SUPT3H: variants seen among roughly 807,000 people sequenced by gnomAD.
SUPT3H encodes transcription initiation protein SPT3 homolog.
In SUPT3H, 44 loss-of-function variants were observed where a neutral mutation model predicts 44.3. The observed-to-expected ratio is 0.99, with a 90% CI of 0.78 to 1.28. The LOEUF is 1.28. Ranked by LOEUF, SUPT3H falls within the 50% of genes most tolerant of loss-of-function variation. The pLI, the probability that SUPT3H is intolerant of heterozygous loss-of-function variation, is 0.00. For synonymous variants in SUPT3H, 124 were observed against 125.6 expected, an observed-to-expected ratio of 0.99 and a Z score of 0.09; for missense variants, 380 against 387.1, an observed-to-expected ratio of 0.98 and a Z score of 0.15.
intron 2 of SUPT3H, among the ~76,000 whole-genome samples, chr6:45,255,397 C>A (rs1773182074): frequency 7.2e-6 from 1 of 139,252 alleles, no homozygotes; most frequent in African/African-American, 2.6e-5. Context: ...TTATTTCATT[C>A]TTAACAACAA....
rs551046360 is a variant in SUPT3H, at chr6:45,019,098, T to G, written c.273+1448A>C. ...TGGGAGAGTGTATCTGTCAAGGAATTTATCCATTTCTTCTAGATTTTCTAG... is the reference window on the plus strand; with the variant it reads ...TGGGAGAGTGTATCTGTCAAGGAATGTATCCATTTCTTCTAGATTTTCTAG... On this transcript the variant is annotated intron_variant, in intron 4 of 10. Transcript: ENST00000371459. Among the ~76,000 whole-genome samples, 6 of 152,294 alleles carry G rather than the reference T, an allele frequency of 3.9e-5. No homozygotes were observed. In the South Asian group the frequency reaches 6.2e-4, roughly 16 times the overall value.
At chr6:44,921,638 A>C (rs903187728) in intron 10 of SUPT3H, among the ~76,000 whole-genome samples, 2 of 152,188 alleles carry the variant, frequency 1.3e-5, no homozygotes, top group African/African-American at 4.8e-5. Flanking sequence ...TTTGTCAACT[A>C]TAACTCATTT....
intron 6 of SUPT3H, among the ~76,000 whole-genome samples, chr6:44,995,457 A>G (rs571776774): frequency 6.6e-6 from 1 of 152,236 alleles, no homozygotes; most frequent in East Asian, 1.9e-4. Flanking sequence ...CTGCTTACTT[A>G]GCAAATCACA....
chr6:44,976,768 A>T (rs544340228), intron 6 of SUPT3H, among the ~76,000 whole-genome samples: 185 of 152,342 alleles, frequency 1.2e-3, no homozygotes, highest in African/African-American at 4.2e-3. Flanking sequence ...TCTTTGAATT[A>T]TAAAGTCTTG....
In SUPT3H at chr6:45,067,416, T is replaced by G. The variant is rs1296161581; in HGVS notation, c.186+38506A>C. ...ACATAGGCATGGGCAAGGACTTCAT[T>G]TCCAAAACACCAAAAGCAAAGGCAA... On this transcript the variant is annotated intron_variant, in intron 3 of 10. Transcript: ENST00000371459. 3.1e-5 allele frequency among the ~76,000 whole-genome samples: 4 copies of G among 128,344 alleles called. 1 individual carries two copies. The highest frequency in any genetic ancestry group is 7.2e-5 in the Non-Finnish European group (4 of 55,924). The allele number at this position is 128,344 out of a possible 152,430, so 84.2% of individuals were successfully genotyped here.
intron 2 of SUPT3H, among the ~76,000 whole-genome samples, chr6:45,142,721 A>T (rs1031349705): frequency 1.5e-5 from 2 of 132,076 alleles, no homozygotes; most frequent in African/African-American, 2.8e-5. Flanking sequence ...GGGCAAGAAG[A>T]GCTAAACTCC....
At chr6:45,015,280 T>C (rs1784075367) in intron 4 of SUPT3H, among the ~76,000 whole-genome samples, 1 of 152,150 alleles carries the variant, frequency 6.6e-6, no homozygotes, top group African/African-American at 2.4e-5. Context: ...ATTCATGGGC[T>C]ACAAACTGGT....
intron 2 of SUPT3H, among the ~76,000 whole-genome samples, chr6:45,220,062 A>G (rs1211564599): frequency 1.5e-4 from 22 of 150,590 alleles, no homozygotes; most frequent in African/African-American, 4.9e-4. Context: ...AAAAAAAAAA[A>G]AAAAGAATTA....
intron 2 of SUPT3H, among the ~76,000 whole-genome samples, chr6:45,215,449 G>A (rs1194911108): frequency 6.6e-6 from 1 of 152,020 alleles, no homozygotes; most frequent in African/African-American, 2.4e-5. Flanking sequence ...ACCCAATCAA[G>A]AAAACAGTAT....
At chr6:45,227,345 A>T (rs1039076371) in intron 2 of SUPT3H, among the ~76,000 whole-genome samples, 1 of 152,150 alleles carries the variant, frequency 6.6e-6, no homozygotes, top group African/African-American at 2.4e-5. Context: ...TAATATGTTA[A>T]TTAGTTTGAT....
At chr6:45,102,143 CA>C (rs1237292296) in intron 3 of SUPT3H, among the ~76,000 whole-genome samples, 1 of 151,946 alleles carries the variant, frequency 6.6e-6, no homozygotes, top group Non-Finnish European at 1.5e-5. Flanking sequence ...GTAATTTCAA[CA>C]AAAAATTTAA....
Position 45,346,054 on chromosome 6 carries a change from G to A in SUPT3H, c.101+19147C>T, listed in dbSNP as rs142574426. Among the ~76,000 whole-genome samples the A allele has an allele frequency of 4.8e-3, 735 of 152,036 alleles. 4 individuals carry two copies. The highest frequency in any genetic ancestry group is 0.017 in the African/African-American group (702 of 41,442). ...CTATCCTTGAAGAAAAATCTCAAACGACACTATTTTCACTGGCTTTCATCC... is the reference window on the plus strand; with the variant it reads ...CTATCCTTGAAGAAAAATCTCAAACAACACTATTTTCACTGGCTTTCATCC... On this transcript the variant is annotated intron_variant, in intron 2 of 10. Coordinates refer to ENST00000371459, the MANE Select transcript of SUPT3H (RefSeq NM_003599.4).
At chr6:44,894,015 G>A (rs1360943871) in intron 10 of SUPT3H, among the ~76,000 whole-genome samples, 1 of 137,938 alleles carries the variant, frequency 7.2e-6, no homozygotes, top group Non-Finnish European at 1.6e-5. Context: ...CTGCATAAAT[G>A]TCTTCTTTTG....
intron 2 of SUPT3H, among the ~76,000 whole-genome samples, chr6:45,163,631 T>C (rs1809384880): frequency 6.6e-6 from 1 of 152,188 alleles, no homozygotes; most frequent in Admixed American, 6.6e-5. Context: ...AGGATGGGTT[T>C]AGCTGCTCAT....
chr6:44,985,973 G>GT (rs1779732421), intron 6 of SUPT3H, among the ~76,000 whole-genome samples: 1 of 152,038 alleles, frequency 6.6e-6, no homozygotes, highest in Admixed American at 6.6e-5. Flanking sequence ...ATCAACTATG[G>GT]TTTTATAAAT....
intron 9 of SUPT3H, among the ~76,000 whole-genome samples, chr6:44,936,297 G>GT (rs1344800079): frequency 6.6e-6 from 1 of 152,154 alleles, no homozygotes; most frequent in African/African-American, 2.4e-5. Context: ...GTTTGAGATG[G>GT]TAACTGTTAA....
intron 2 of SUPT3H, among the ~76,000 whole-genome samples, chr6:45,345,059 G>A (rs1418447467): frequency 6.6e-6 from 1 of 152,104 alleles, no homozygotes; most frequent in Non-Finnish European, 1.5e-5. Flanking sequence ...CGTTCCTCAT[G>A]GGATGAAACA....
chr6:44,842,028 G>C (rs1411674735), intron 10 of SUPT3H, among the ~76,000 whole-genome samples: 1 of 152,218 alleles, frequency 6.6e-6, no homozygotes, highest in African/African-American at 2.4e-5. Context: ...GAGATGGGGT[G>C]AAGGTGTTAC....
At chr6:45,216,872 G>C (rs189926086) in intron 2 of SUPT3H, among the ~76,000 whole-genome samples, 1 of 152,220 alleles carries the variant, frequency 6.6e-6, no homozygotes, top group East Asian at 1.9e-4. Flanking sequence ...ATTATGTTAA[G>C]GGAAATAAGA....
Sources: gnomAD v4.1 joint callset for allele counts (sites outside exome capture counted in the v4.1 genomes callset) on GRCh38, gnomAD v4.1.1 for gene constraint, MANE v1.5 for transcripts, NCBI Gene and HGNC (gene_info 2026-07-23, HGNC 2026-07-21) for gene names.